Variants in ZDHHC14 observed in about 807,000 individuals in gnomAD.
The protein encoded by ZDHHC14 is zDHHC palmitoyltransferase 14, also known as palmitoyltransferase ZDHHC14.
Under a neutral mutation model 47.7 loss-of-function variants are expected in ZDHHC14, and 16 were observed. That is an observed-to-expected ratio of 0.34 (90% CI 0.23 to 0.51). The LOEUF (loss-of-function observed/expected upper bound fraction) is 0.51, where lower values mean the gene tolerates loss of function less well. Ranked by LOEUF, ZDHHC14 falls within the 20% of genes least tolerant of loss-of-function variation. ZDHHC14 has a pLI of 0.97. For missense variants in ZDHHC14, 515 were observed against 662.5 expected (o/e 0.78, Z 2.44); for synonymous variants, 293 against 278.9 (o/e 1.05, Z -0.50).
intron 5 of ZDHHC14, among the ~76,000 whole-genome samples, chr6:157,642,813 G>A (rs1480566334): frequency 6.6e-6 from 1 of 152,202 alleles, no homozygotes; most frequent in Admixed American, 6.5e-5. Flanking sequence ...TAGCCAGTGG[G>A]CCAGTAAGGA....
intron 3 of ZDHHC14, among the ~76,000 whole-genome samples, chr6:157,621,416 G>T (rs1011939497): frequency 6.6e-6 from 1 of 152,098 alleles, no homozygotes; most frequent in Non-Finnish European, 1.5e-5. Flanking sequence ...ATTTAAATGT[G>T]ATTAACATTT....
At chr6:157,575,162 T>C (rs113210411) in intron 2 of ZDHHC14, among the ~76,000 whole-genome samples, 2,255 of 152,316 alleles carry the variant, frequency 0.015, 48 homozygotes, top group African/African-American at 0.051. Context: ...GAGAATTTCT[T>C]CTACCTTGGG....
intron 1 of ZDHHC14, among the ~76,000 whole-genome samples, chr6:157,393,869 T>C (rs1005569655): frequency 2.6e-5 from 4 of 152,236 alleles, no homozygotes; most frequent in Non-Finnish European, 5.9e-5. Flanking sequence ...GTCTTAACTT[T>C]CCTAAGCAAG....
Position 157,518,343 on chromosome 6 carries a change from A to C in ZDHHC14, c.246-24242A>C, listed in dbSNP as rs574832995. Among the ~76,000 whole-genome samples the C allele has an allele frequency of 2.2e-3, 287 of 131,662 alleles. 2 individuals carry two copies. The Middle Eastern group carries it at 0.026, about 12-fold the overall frequency. 86.4% of individuals were successfully genotyped at this position (131,662 alleles called of 152,430 possible). On this transcript the variant is annotated intron_variant, in intron 1 of 8. Transcript: ENST00000359775. ...GCTCACAGGCATGGACTGAGGTCTC[A>C]GAAGGACTATGTGTGGTCATTGAGC...
At chr6:157,603,118 C>G (rs1211496926) in intron 3 of ZDHHC14, among the ~76,000 whole-genome samples, 1 of 152,156 alleles carries the variant, frequency 6.6e-6, no homozygotes, top group Non-Finnish European at 1.5e-5. Flanking sequence ...ATGGCAGTGC[C>G]AGGGCCCAGG....
chr6:157,648,654 A>T (rs138749329), intron 7 of ZDHHC14, among the ~76,000 whole-genome samples: 59 of 152,264 alleles, frequency 3.9e-4, no homozygotes, highest in African/African-American at 1.2e-3. Flanking sequence ...GCAGGCGAGG[A>T]TCCTGGGTTA....
At chr6:157,474,743 T>G (rs1779438111) in intron 1 of ZDHHC14, among the ~76,000 whole-genome samples, 2 of 152,204 alleles carry the variant, frequency 1.3e-5, no homozygotes, top group African/African-American at 4.8e-5. Context: ...ATTTTTTAAT[T>G]GGGTTATTTG....
intron 1 of ZDHHC14, among the ~76,000 whole-genome samples, chr6:157,541,419 C>T (rs1474354591): frequency 1.1e-4 from 16 of 152,122 alleles, no homozygotes; most frequent in Admixed American, 1.0e-3. Context: ...GGTGCTGGTT[C>T]CCAGGGCTTC....
intron 1 of ZDHHC14, among the ~76,000 whole-genome samples, chr6:157,517,635 G>A (rs968206681): frequency 1.3e-5 from 2 of 152,122 alleles, no homozygotes; most frequent in African/African-American, 4.8e-5. Context: ...AAGCCGTACT[G>A]TGTATCTTGA....
intron 5 of ZDHHC14, among the ~76,000 whole-genome samples, chr6:157,637,775 C>A (rs1160085130): frequency 6.6e-6 from 1 of 152,044 alleles, no homozygotes; most frequent in Non-Finnish European, 1.5e-5. Context: ...AATATTTTGA[C>A]GAGAAATAAG....
At chr6:157,625,755 T>A (rs1785383638) in intron 3 of ZDHHC14, among the ~76,000 whole-genome samples, 1 of 151,902 alleles carries the variant, frequency 6.6e-6, no homozygotes, top group Non-Finnish European at 1.5e-5. Context: ...TGAAAAATAT[T>A]CAGTAGGATA....
At chr6:157,599,355 CACT>C (rs1005564745) in intron 3 of ZDHHC14, among the ~76,000 whole-genome samples, 1 of 152,236 alleles carries the variant, frequency 6.6e-6, no homozygotes, top group African/African-American at 2.4e-5. Context: ...GCGGCACCAC[CACT>C]GAGTTCCCTC....
In ZDHHC14 at chr6:157,607,375, T is replaced by G. The variant is rs529774502; in HGVS notation, c.565+14229T>G. ...AACCATTTCTTTCAAGAATGCCGCA[T>G]TTAAAGGCTCTTTTTTTAAAACAAA... On this transcript the variant is annotated intron_variant, in intron 3 of 8. Coordinates refer to ENST00000359775, the MANE Select transcript of ZDHHC14 (RefSeq NM_024630.3). 9.2e-5 allele frequency among the ~76,000 whole-genome samples: 14 copies of G among 152,280 alleles called. No individual in the cohort carries two copies. In the South Asian group the frequency reaches 2.9e-3, roughly 32 times the overall value.
intron 1 of ZDHHC14, among the ~76,000 whole-genome samples, chr6:157,448,463 A>G (rs1778731579): frequency 6.6e-6 from 1 of 152,068 alleles, no homozygotes. Flanking sequence ...AACAATTAAT[A>G]TTTTTTCAGT....
At chr6:157,428,870 G>A (rs1359933735) in intron 1 of ZDHHC14, among the ~76,000 whole-genome samples, 1 of 152,164 alleles carries the variant, frequency 6.6e-6, no homozygotes, top group African/African-American at 2.4e-5. Flanking sequence ...GTTACTGTGA[G>A]CCCTCTACTA....
chr6:157,455,883 C>T (rs9347277), intron 1 of ZDHHC14, among the ~76,000 whole-genome samples: 41,727 of 152,074 alleles, frequency 0.27, 6,801 homozygotes, highest in East Asian at 0.49. Flanking sequence ...GTCTGAGCGG[C>T]GCTCTGCCTG....
At chr6:157,460,142 G>A (rs139863843) in intron 1 of ZDHHC14, among the ~76,000 whole-genome samples, 2 of 151,532 alleles carry the variant, frequency 1.3e-5, no homozygotes, top group Non-Finnish European at 1.5e-5. Context: ...GGCAGAAGTT[G>A]CAGTGAGCCG....
At chr6:157,580,573 A>G (rs1367366351) in intron 2 of ZDHHC14, among the ~76,000 whole-genome samples, 2 of 152,116 alleles carry the variant, frequency 1.3e-5, no homozygotes, top group African/African-American at 4.8e-5. Flanking sequence ...GGAACTCATT[A>G]CTAATCTGTT....
intron 1 of ZDHHC14, among the ~76,000 whole-genome samples, chr6:157,505,828 A>G (rs1780314079): frequency 1.3e-5 from 2 of 152,254 alleles, no homozygotes; most frequent in Admixed American, 6.5e-5. Flanking sequence ...CAGAGTTGAT[A>G]TTTGCCAGTA....
Sources: gnomAD v4.1 joint callset for allele counts (sites outside exome capture counted in the v4.1 genomes callset) on GRCh38, gnomAD v4.1.1 for gene constraint, MANE v1.5 for transcripts, NCBI Gene and HGNC (gene_info 2026-07-23, HGNC 2026-07-21) for gene names.